Variants in RFX4 observed in about 807,000 individuals in gnomAD.
RFX4 encodes the protein regulatory factor X4, also known as transcription factor RFX4.
In RFX4, 10 loss-of-function variants were observed where a neutral mutation model predicts 95.0. The ratio of observed to expected loss-of-function variants is 0.11; its 90% confidence interval spans 0.06 to 0.18. The LOEUF (loss-of-function observed/expected upper bound fraction) is 0.18, where lower values mean the gene tolerates loss of function less well. RFX4 is among the 10% of genes least tolerant of loss of function. The pLI is 1.00. For missense variants in RFX4, 640 were observed against 922.0 expected, an observed-to-expected ratio of 0.69 and a Z score of 3.96; for synonymous variants, 321 against 340.7, an observed-to-expected ratio of 0.94 and a Z score of 0.64.
intron 7 of RFX4, among the ~76,000 whole-genome samples, chr12:106,692,077 A>C (rs2041795504): frequency 6.6e-6 from 1 of 151,850 alleles, no homozygotes; most frequent in South Asian, 2.1e-4. Flanking sequence ...GAATCGCTTG[A>C]ACCCAGGAGG....
At chr12:106,649,843 G>A (rs899990438) in intron 3 of RFX4, among the ~76,000 whole-genome samples, 2 of 152,178 alleles carry the variant, frequency 1.3e-5, no homozygotes, top group African/African-American at 4.8e-5. Context: ...TGCCCAGTTA[G>A]GAACCTGAGG....
intron 4 of RFX4, among the ~76,000 whole-genome samples, chr12:106,669,793 G>A (rs1297142976): frequency 6.6e-6 from 1 of 151,330 alleles, no homozygotes; most frequent in African/African-American, 2.4e-5. Flanking sequence ...TCTGCTGTGG[G>A]GCATCCATGA....
intron 17 of RFX4, among the ~76,000 whole-genome samples, chr12:106,760,213 G>A (rs942516165): frequency 6.6e-6 from 1 of 152,158 alleles, no homozygotes; most frequent in Non-Finnish European, 1.5e-5. Context: ...TCCTGTCCTT[G>A]TTGGTGTAGC....
intron 11 of RFX4, among the ~76,000 whole-genome samples, chr12:106,719,121 CAAAAACA>C (rs922750424): frequency 2.0e-4 from 30 of 151,754 alleles, no homozygotes; most frequent in African/African-American, 7.0e-4. Context: ...GACTCCATCT[CAAAAACA>C]AAAAACAAAA....
At chr12:106,597,901 A>G (rs2039645009) in intron 1 of RFX4, among the ~76,000 whole-genome samples, 1 of 152,152 alleles carries the variant, frequency 6.6e-6, no homozygotes, top group African/African-American at 2.4e-5. Flanking sequence ...AATAAAAAAG[A>G]AAAAGAGGAA....
At chr12:106,597,985 G>T (rs1361456534) in intron 1 of RFX4, among the ~76,000 whole-genome samples, 1 of 152,222 alleles carries the variant, frequency 6.6e-6, no homozygotes, top group Non-Finnish European at 1.5e-5. Flanking sequence ...CTCTGGTCCA[G>T]GTAGTATTCT....
intron 4 of RFX4, 113 bp downstream of exon 4, chr12:106,654,464 CT>C: frequency 8.0e-7 from 1 of 1,243,968 alleles, no homozygotes; most frequent in Non-Finnish European, 1.1e-6. Context: ...TACTTACTTA[CT>C]TTGGTACTTT....
chr12:106,597,284 G>A (rs1478294603), intron 1 of RFX4, among the ~76,000 whole-genome samples: 3 of 152,074 alleles, frequency 2.0e-5, no homozygotes. Flanking sequence ...GGCCCATGAG[G>A]TTAAGTAATT....
chr12:106,634,643 C>T (rs931445599), intron 2 of RFX4, among the ~76,000 whole-genome samples: 1 of 152,182 alleles, frequency 6.6e-6, no homozygotes, highest in Non-Finnish European at 1.5e-5. Context: ...GCTGCAGCCA[C>T]CTTGCTTCTG....
intron 7 of RFX4, among the ~76,000 whole-genome samples, chr12:106,693,835 G>A (rs1407626728): frequency 6.6e-6 from 1 of 152,212 alleles, no homozygotes; most frequent in East Asian, 1.9e-4. Context: ...CTGATCTCTT[G>A]AGCCCAGTAG....
chr12:106,740,778 A>G (rs1188933005), intron 15 of RFX4, among the ~76,000 whole-genome samples: 1 of 150,686 alleles, frequency 6.6e-6, no homozygotes, highest in South Asian at 2.1e-4. Flanking sequence ...GCTATGAAAA[A>G]GTATAAAGTG....
In RFX4 at chr12:106,600,160, C is replaced by T. The variant is rs184063506; in HGVS notation, c.44-8637C>T. On this transcript the variant is annotated intron_variant, in intron 1 of 17. Coordinates refer to ENST00000392842, the MANE Select transcript of RFX4 (RefSeq NM_213594.3). ...TCAAGCAGGATAATATCAGGAAACACGTGTTGATACCTGAATCAATGTGTG... is the reference window on the plus strand; with the variant it reads ...TCAAGCAGGATAATATCAGGAAACATGTGTTGATACCTGAATCAATGTGTG... 1.4e-3 allele frequency among the ~76,000 whole-genome samples: 218 copies of T among 152,258 alleles called. 2 individuals carry two copies. The highest frequency in any genetic ancestry group is 0.01 in the Middle Eastern group (3 of 294).
At chr12:106,604,694 T>C (rs1446855396) in intron 1 of RFX4, among the ~76,000 whole-genome samples, 1 of 151,798 alleles carries the variant, frequency 6.6e-6, no homozygotes, top group Non-Finnish European at 1.5e-5. Flanking sequence ...TAGTAGAGAG[T>C]CAAAAGAAAT....
chr12:106,706,617 T>G (rs1258466532), intron 8 of RFX4, among the ~76,000 whole-genome samples: 2 of 152,186 alleles, frequency 1.3e-5, no homozygotes, highest in Non-Finnish European at 2.9e-5. Context: ...GCAGACAGGA[T>G]AGATGAATAG....
At chr12:106,627,769 GTGGAGAGGAGAAGACTA>G (rs367597245) in intron 2 of RFX4, among the ~76,000 whole-genome samples, 76 of 152,346 alleles carry the variant, frequency 5.0e-4, no homozygotes, top group African/African-American at 1.7e-3. Flanking sequence ...CTTATCTGTT[GTGGAGAGGAGAAGACTA>G]TGGTGAGATG....
chr12:106,706,095 G>C (rs959964703), intron 8 of RFX4, among the ~76,000 whole-genome samples: 18 of 152,190 alleles, frequency 1.2e-4, no homozygotes, highest in Non-Finnish European at 8.8e-5. Context: ...TCTGAGATTA[G>C]CTAAATAACA....
chr12:106,710,270 A>T (rs1246541471), intron 9 of RFX4, among the ~76,000 whole-genome samples: 1 of 152,198 alleles, frequency 6.6e-6, no homozygotes, highest in Non-Finnish European at 1.5e-5. Context: ...CTCTCTCCAC[A>T]GGCAAAGGGA....
intron 2 of RFX4, among the ~76,000 whole-genome samples, chr12:106,628,831 C>T (rs949565606): frequency 8.7e-5 from 13 of 149,676 alleles, no homozygotes; most frequent in Middle Eastern, 3.5e-3. Context: ...GCCATCTCGG[C>T]TCACTGCAGC....
chr12:106,666,092 T>C (rs1015618956), intron 4 of RFX4, among the ~76,000 whole-genome samples: 1 of 152,072 alleles, frequency 6.6e-6, no homozygotes, highest in Admixed American at 6.6e-5. Context: ...CCTTAATTTT[T>C]GTTTGTCTGA....
Sources: allele counts gnomAD v4.1 joint callset (sites outside exome capture counted in the v4.1 genomes callset), GRCh38; gene constraint gnomAD v4.1.1; transcripts MANE v1.5; gene names NCBI Gene and HGNC (gene_info 2026-07-23, HGNC 2026-07-21).